GXYLT2: variants seen among roughly 807,000 people sequenced by gnomAD.
GXYLT2 encodes the protein glucoside xylosyltransferase 2, also known as glycosyltransferase 8 domain containing 4.
In GXYLT2, 53 loss-of-function variants were observed where a neutral mutation model predicts 45.8. That is an observed-to-expected ratio of 1.16 (90% CI 0.93 to 1.46). GXYLT2 has a LOEUF of 1.46. GXYLT2 is among the 40% of genes most tolerant of loss of function. GXYLT2 has a pLI of 0.00. For synonymous variants in GXYLT2, 219 were observed against 214.2 expected (o/e 1.02, Z -0.19); for missense variants, 551 against 544.4 (o/e 1.01, Z -0.12).
At chr3:72,947,458 A>G (rs879531954) in intron 3 of GXYLT2, among the ~76,000 whole-genome samples, 12 of 152,252 alleles carry the variant, frequency 7.9e-5, no homozygotes, top group East Asian at 5.8e-4. Context: ...CGGAGTGTGT[A>G]TATCCTATGG....
intron 3 of GXYLT2, among the ~76,000 whole-genome samples, chr3:72,939,390 A>G (rs1710254691): frequency 6.6e-6 from 1 of 151,790 alleles, no homozygotes; most frequent in Non-Finnish European, 1.5e-5. Flanking sequence ...AGCCGAGATC[A>G]CACCACTGCA....
chr3:72,889,988 C>A (rs1193845782), intron 1 of GXYLT2, among the ~76,000 whole-genome samples: 1 of 151,446 alleles, frequency 6.6e-6, no homozygotes, highest in African/African-American at 2.4e-5. Flanking sequence ...TCACTGCAAC[C>A]GCTGCCTCCC....
intron 5 of GXYLT2, among the ~76,000 whole-genome samples, chr3:72,964,475 A>G (rs903777969): frequency 6.6e-6 from 1 of 152,006 alleles, no homozygotes; most frequent in African/African-American, 2.4e-5. Context: ...GGCACATGCC[A>G]TCATGCCTGG....
chr3:72,973,259 G>C (rs983501507), intron 6 of GXYLT2, among the ~76,000 whole-genome samples: 2 of 152,180 alleles, frequency 1.3e-5, no homozygotes, highest in African/African-American at 2.4e-5. Context: ...TTATCAGATG[G>C]AGGCAGCCCA....
At chr3:72,927,458 A>C (rs113073594) in intron 3 of GXYLT2, among the ~76,000 whole-genome samples, 1,661 of 152,304 alleles carry the variant, frequency 0.011, 27 homozygotes, top group African/African-American at 0.038. Flanking sequence ...TGAAATCTGC[A>C]TGCTTACCAA....
At chr3:72,919,610 C>G (rs1175754983) in intron 2 of GXYLT2, among the ~76,000 whole-genome samples, 1 of 152,190 alleles carries the variant, frequency 6.6e-6, no homozygotes, top group Non-Finnish European at 1.5e-5. Context: ...CAAAAAGTAA[C>G]TGGGTGTAGT....
chr3:72,914,341 G>C (rs897217813), intron 2 of GXYLT2, among the ~76,000 whole-genome samples: 3 of 151,976 alleles, frequency 2.0e-5, no homozygotes, highest in Admixed American at 1.3e-4. Context: ...CAGCCAGTTG[G>C]TTTCCTAGGC....
chr3:72,889,566 C>T (rs536984801), intron 1 of GXYLT2, among the ~76,000 whole-genome samples: 6 of 152,238 alleles, frequency 3.9e-5, no homozygotes, highest in African/African-American at 1.2e-4. Context: ...AACAATCTGT[C>T]GCTTTAAAGT....
At chr3:72,974,923 C>A in intron 6 of GXYLT2, 54 bp from the exon 7 acceptor site, 1 of 1,278,328 alleles carries the variant, frequency 7.8e-7, no homozygotes, top group Non-Finnish European at 1.1e-6. Context: ...AAATGATCTG[C>A]ATTTAAAATG....
chr3:72,941,981 A>G (rs1710310610), intron 3 of GXYLT2, among the ~76,000 whole-genome samples: 1 of 152,172 alleles, frequency 6.6e-6, no homozygotes, highest in Admixed American at 6.5e-5. Flanking sequence ...GGCTCCTGGG[A>G]GAACTGTTCA....
At chr3:72,891,203 G>A (rs940763722) in intron 1 of GXYLT2, among the ~76,000 whole-genome samples, 2 of 152,124 alleles carry the variant, frequency 1.3e-5, no homozygotes, top group Non-Finnish European at 2.9e-5. Context: ...TGAAGGCTAC[G>A]TGATCTCATT....
At chr3:72,964,819 A>G (rs946574573) in intron 5 of GXYLT2, among the ~76,000 whole-genome samples, 4 of 152,216 alleles carry the variant, frequency 2.6e-5, no homozygotes, top group African/African-American at 7.2e-5. Context: ...AGTTTATTCA[A>G]CTGGAAACTT....
intron 3 of GXYLT2, among the ~76,000 whole-genome samples, chr3:72,954,572 G>A (rs972921982): frequency 3.2e-4 from 49 of 150,876 alleles, no homozygotes; most frequent in African/African-American, 1.2e-3. Context: ...TCCACTTCAG[G>A]TTGCAGTAAG....
chr3:72,963,367 G>A (rs1444678329), intron 5 of GXYLT2, among the ~76,000 whole-genome samples: 1 of 152,092 alleles, frequency 6.6e-6, no homozygotes, highest in East Asian at 1.9e-4. Flanking sequence ...GAGATAAGGA[G>A]TTCGAGACCA....
At chr3:72,960,325 C>G (rs1376229074) in intron 5 of GXYLT2, among the ~76,000 whole-genome samples, 1 of 152,244 alleles carries the variant, frequency 6.6e-6, no homozygotes, top group Non-Finnish European at 1.5e-5. Context: ...AAGATTCACA[C>G]AGTTGCCTCC....
intron 4 of GXYLT2, among the ~76,000 whole-genome samples, chr3:72,956,687 G>C (rs1710655124): frequency 6.6e-6 from 1 of 152,028 alleles, no homozygotes; most frequent in Non-Finnish European, 1.5e-5. Flanking sequence ...TCAGGAGTTT[G>C]ATATCAGCCT....
At chr3:72,900,219 G>T (rs1447832701) in intron 1 of GXYLT2, among the ~76,000 whole-genome samples, 1 of 152,122 alleles carries the variant, frequency 6.6e-6, no homozygotes, top group African/African-American at 2.4e-5. Flanking sequence ...TAATTAAGTC[G>T]CACGTTTGAG....
intron 1 of GXYLT2, among the ~76,000 whole-genome samples, chr3:72,904,216 C>G (rs1709460536): frequency 6.6e-6 from 1 of 152,244 alleles, no homozygotes; most frequent in Non-Finnish European, 1.5e-5. Context: ...CCTAGTCATT[C>G]AAGGGGTTAA....
At chr3:72,908,298 C>G in intron 1 of GXYLT2, 69 bp from the exon 2 acceptor site, 2 of 1,115,036 alleles carry the variant, frequency 1.8e-6, no homozygotes, top group Non-Finnish European at 1.3e-6. Flanking sequence ...ACCATTCACT[C>G]GCCGGTTTTT....
Sources: gnomAD v4.1 joint callset for allele counts (sites outside exome capture counted in the v4.1 genomes callset) on GRCh38, gnomAD v4.1.1 for gene constraint, MANE v1.5 for transcripts, NCBI Gene and HGNC (gene_info 2026-07-23, HGNC 2026-07-21) for gene names.